CUX2: variants seen among roughly 807,000 people sequenced by gnomAD.
CUX2 encodes homeobox protein cut-like 2.
A neutral mutation model predicts 144.8 loss-of-function variants in CUX2; 40 were observed. That is an observed-to-expected ratio of 0.28 (90% CI 0.21 to 0.36). The LOEUF (loss-of-function observed/expected upper bound fraction) is 0.36. Among genes scored for constraint, CUX2 ranks in the 10% least tolerant of loss-of-function variants. The pLI is 1.00. For missense variants in CUX2, 1,615 were observed against 1,994.0 expected, an observed-to-expected ratio of 0.81 and a Z score of 3.62; for synonymous variants, 827 against 875.6, an observed-to-expected ratio of 0.94 and a Z score of 0.98.
rs1221209654 is a variant in CUX2 at position 111,312,342 on chromosome 12, A to C, written c.2002+141A>C. On this transcript the variant is annotated intron_variant, in intron 16 of 21. Transcript: ENST00000261726. The surrounding 1 kb of genome is among the most constrained non-coding windows in gnomAD (Gnocchi z 4.3). ...CCAGAGGCCAGAGGGACCTGTCTAG[A>C]GCGCATGGGTAGCTGTGGCACTGCT... 1 of 639,298 alleles carries C rather than the reference A, an allele frequency of 1.6e-6. No homozygotes were observed. Among genetic ancestry groups the C allele is most frequent in the Non-Finnish European group, 2.7e-6 (1 of 371,832 alleles). 39.6% of individuals were successfully genotyped at this position (639,298 alleles called of 1,614,324 possible). A position where few individuals can be genotyped will look rare whatever the true frequency, so the allele number is the denominator to read the frequency against.
intron 3 of CUX2, among the ~76,000 whole-genome samples, chr12:111,237,351 C>A (rs1041787358): frequency 6.6e-6 from 1 of 152,166 alleles, no homozygotes; most frequent in South Asian, 2.1e-4. Flanking sequence ...AGCCCCCTGG[C>A]AAATCCTCAA....
intron 1 of CUX2, among the ~76,000 whole-genome samples, chr12:111,208,536 C>T (rs573056129): frequency 6.6e-6 from 1 of 152,318 alleles, no homozygotes; most frequent in South Asian, 2.1e-4. Flanking sequence ...CCAAGACCCA[C>T]CCTCCCCTCT....
chr12:111,323,317 G>A (rs908564614), intron 18 of CUX2, among the ~76,000 whole-genome samples: 2 of 152,206 alleles, frequency 1.3e-5, no homozygotes, highest in African/African-American at 4.8e-5. Context: ...CCATATCTCA[G>A]GTTCACAGAA....
chr12:111,334,412 A>G, intron 18 of CUX2, 29 bp from the exon 19 acceptor site: 1 of 1,545,362 alleles, frequency 6.5e-7, no homozygotes, highest in African/African-American at 1.4e-5. Context: ...GATTATAGTA[A>G]CCACCTTCTC....
chr12:111,279,781 A>G (rs1203181837), intron 4 of CUX2, among the ~76,000 whole-genome samples: 1 of 152,212 alleles, frequency 6.6e-6, no homozygotes, highest in African/African-American at 2.4e-5. Context: ...CAAGAGATCG[A>G]GACCATCCTG....
At chr12:111,095,880 G>A (rs1158240666) in intron 1 of CUX2, among the ~76,000 whole-genome samples, 1 of 152,216 alleles carries the variant, frequency 6.6e-6, no homozygotes, top group African/African-American at 2.4e-5. Flanking sequence ...CATGCTGGGT[G>A]CCATGTAGGG....
At chr12:111,345,665 C>A (rs1235414925) in intron 21 of CUX2, among the ~76,000 whole-genome samples, 3 of 150,168 alleles carry the variant, frequency 2.0e-5, no homozygotes, top group African/African-American at 7.4e-5. Context: ...TGGCGTAAAC[C>A]CGGGAGCTTG....
intron 3 of CUX2, among the ~76,000 whole-genome samples, chr12:111,221,270 T>C (rs4766556): frequency 0.39 from 58,820 of 152,096 alleles, 15,129 homozygotes; most frequent in African/African-American, 0.71. Flanking sequence ...ACTAAGCCAT[T>C]GTGGCCTCTG....
At chr12:111,101,448 A>C (rs1873230856) in intron 1 of CUX2, among the ~76,000 whole-genome samples, 1 of 152,200 alleles carries the variant, frequency 6.6e-6, no homozygotes, top group Admixed American at 6.5e-5. Flanking sequence ...CCACAGAGCC[A>C]TGGAGCCAGA....
Position 111,322,396 on chromosome 12 carries a change from T to C in CUX2, c.2767-25T>C. ...CCCATGTCCCAGGGGCCTGCTGACC[T>C]ACCCCCCTGGCCCGCCCCTCGCAGG... On this transcript the variant is annotated intron_variant, in intron 17 of 21. Coordinates refer to ENST00000261726, the MANE Select transcript of CUX2 (RefSeq NM_015267.4). This position sits in a 1 kb window ranked among gnomAD's most constrained non-coding sequence, Gnocchi z 4.2. The C allele has an allele frequency of 7.0e-7, 1 of 1,431,816 alleles. No individual in the cohort carries two copies. Among genetic ancestry groups the C allele is most frequent in the Non-Finnish European group, 9.4e-7 (1 of 1,068,802 alleles). 88.7% of individuals were successfully genotyped at this position (1,431,816 alleles called of 1,614,324 possible).
At chr12:111,121,323 T>G (rs1308753158) in intron 1 of CUX2, among the ~76,000 whole-genome samples, 1 of 151,582 alleles carries the variant, frequency 6.6e-6, no homozygotes, top group African/African-American at 2.4e-5. Flanking sequence ...AGGCAGATTC[T>G]GAAATAAATG....
In CUX2 at chr12:111,034,579, C is replaced by T. The variant is rs1490463087; in HGVS notation, c.63+339C>T. 6.6e-6 allele frequency among the ~76,000 whole-genome samples: 1 copy of T among 151,230 alleles called. No individual in the cohort carries two copies. Among genetic ancestry groups the T allele is most frequent in the Admixed American group, 6.6e-5 (1 of 15,216 alleles). On this transcript the variant is annotated intron_variant, in intron 1 of 21. Coordinates refer to ENST00000261726, the MANE Select transcript of CUX2 (RefSeq NM_015267.4). The surrounding 1 kb of genome is among the most constrained non-coding windows in gnomAD (Gnocchi z 4.2). Reference sequence around the variant, plus strand: ...GGGCAGGGGGCTGCTGGCGGGAACCCCCGGCGGTCCCCCCTGAGCCGCACT... The same window carrying T: ...GGGCAGGGGGCTGCTGGCGGGAACCTCCGGCGGTCCCCCCTGAGCCGCACT...
rs1014679525 is a variant in CUX2, at chr12:111,160,661, A to G, written c.64-53539A>G. Reference sequence around the variant, plus strand: ...AGGGAGCCAATGGAGGGCTATGCAGAGGAGTGACGCAGTCCAGTGGCATTT... The same window carrying G: ...AGGGAGCCAATGGAGGGCTATGCAGGGGAGTGACGCAGTCCAGTGGCATTT... On this transcript the variant is annotated intron_variant, in intron 1 of 21. Transcript: ENST00000261726. This position sits in a 1 kb window ranked among gnomAD's most constrained non-coding sequence, Gnocchi z 4.1. Among the ~76,000 whole-genome samples, 6 of 152,136 alleles carry G rather than the reference A, an allele frequency of 3.9e-5. No homozygotes were observed. Among genetic ancestry groups the G allele is most frequent in the African/African-American group, 7.2e-5 (3 of 41,414 alleles).
At chr12:111,067,775 G>A (rs1871082566) in intron 1 of CUX2, among the ~76,000 whole-genome samples, 1 of 152,212 alleles carries the variant, frequency 6.6e-6, no homozygotes, top group Admixed American at 6.5e-5. Flanking sequence ...TGGAGAACAA[G>A]GGGACAGAGG....
At chr12:111,243,496 C>CTTTTTTTTTT (rs761276935) in intron 3 of CUX2, among the ~76,000 whole-genome samples, 7 of 80,028 alleles carry the variant, frequency 8.7e-5, no homozygotes, top group East Asian at 4.6e-4. Context: ...GTTGATGTGC[C>CTTTTTTTTTT]TTTTTTTTTT....
chr12:111,047,477 C>T (rs1173997248), intron 1 of CUX2, among the ~76,000 whole-genome samples: 2 of 152,076 alleles, frequency 1.3e-5, no homozygotes, highest in East Asian at 3.9e-4. Flanking sequence ...TGCTCTGACT[C>T]CAAGAAGCAA....
rs1347788696 is a variant in CUX2 at position 111,350,071 on chromosome 12, T to C, written c.*1746T>C. ...TTTTCCATACACCCAGGCTATGCATTGAAGAGTTTTCCACTGTATACATTT... is the reference window on the plus strand; with the variant it reads ...TTTTCCATACACCCAGGCTATGCATCGAAGAGTTTTCCACTGTATACATTT... On this transcript the variant is annotated 3_prime_UTR_variant, in exon 22 of 22. Coordinates refer to ENST00000261726, the MANE Select transcript of CUX2 (RefSeq NM_015267.4). The C allele has an allele frequency of 6.6e-6, 1 of 152,628 alleles. No homozygotes were observed. Among genetic ancestry groups the C allele is most frequent in the African/African-American group, 2.4e-5 (1 of 41,438 alleles). The allele number at this position is 152,628 out of a possible 1,614,324, so 9.5% of individuals were successfully genotyped here.
At chr12:111,172,092 T>C (rs1377036999) in intron 1 of CUX2, among the ~76,000 whole-genome samples, 1 of 151,958 alleles carries the variant, frequency 6.6e-6, no homozygotes, top group African/African-American at 2.4e-5. Context: ...TGCGTATGCA[T>C]GTCTCTGCGT....
At chr12:111,188,107 G>A (rs539756892) in intron 1 of CUX2, among the ~76,000 whole-genome samples, 3 of 152,374 alleles carry the variant, frequency 2.0e-5, no homozygotes, top group African/African-American at 7.2e-5. Flanking sequence ...GGAATACTAT[G>A]CAAATGCATC....
Sources: gnomAD v4.1 joint callset for allele counts (sites outside exome capture counted in the v4.1 genomes callset) on GRCh38, gnomAD v4.1.1 for gene constraint, Gnocchi (gnomAD v3.1) non-coding constraint, MANE v1.5 for transcripts, NCBI Gene and HGNC (gene_info 2026-07-23, HGNC 2026-07-21) for gene names.